COLGALT1: variants seen among roughly 807,000 people sequenced by gnomAD.
COLGALT1 encodes the protein procollagen galactosyltransferase 1.
In COLGALT1, 43 loss-of-function variants were observed where a neutral mutation model predicts 60.8. The observed-to-expected ratio is 0.71, with a 90% confidence interval of 0.55 to 0.91. COLGALT1 has a LOEUF of 0.91. Ranked by LOEUF, COLGALT1 falls within the 40% of genes least tolerant of loss-of-function variation. The probability of loss-of-function intolerance (pLI) is 0.00; values close to 1 mark genes in which losing one functional copy is unlikely to be tolerated. For synonymous variants in COLGALT1, 369 were observed against 374.2 expected, an observed-to-expected ratio of 0.99 and a Z score of 0.16; for missense variants, 845 against 880.0, an observed-to-expected ratio of 0.96 and a Z score of 0.50.
intron 5 of COLGALT1, among the ~76,000 whole-genome samples, chr19:17,569,450 T>G (rs1276355240): frequency 6.6e-6 from 1 of 151,930 alleles, no homozygotes; most frequent in Non-Finnish European, 1.5e-5. Flanking sequence ...TTTGTTTTTT[T>G]TTTTTGAAGT....
rs1279676698 is a variant in COLGALT1, at chr19:17,555,829, C to T, written c.116C>T (p.Pro39Leu). ...CCGCCGGGCGCCGACGCCTACTTCCCCGAGGAGCGCTGGAGCCCGGAGTCG... is the reference window on the plus strand; with the variant it reads ...CCGCCGGGCGCCGACGCCTACTTCCTCGAGGAGCGCTGGAGCCCGGAGTCG... ...GAPPGADAYF[P>L]EERWSPESPL... The change falls in exon 1 of 12, where the codon CCC becomes CTC. Residue 39 changes from proline (P) to leucine (L), a missense_variant. By Grantham distance (98) the Pro-to-Leu change is moderately conservative. Transcript: ENST00000252599. 1 of 1,311,594 alleles carries T rather than the reference C, an allele frequency of 7.6e-7. No individual in the cohort carries two copies. Among genetic ancestry groups the T allele is most frequent in the South Asian group, 2.0e-5 (1 of 49,458 alleles). 81.2% of individuals were successfully genotyped at this position (1,311,594 alleles called of 1,614,324 possible). A position where few individuals can be genotyped will look rare whatever the true frequency, so the allele number is the denominator to read the frequency against.
intron 3 of COLGALT1, among the ~76,000 whole-genome samples, chr19:17,562,120 C>T (rs2076253004): frequency 2.0e-5 from 3 of 152,342 alleles, no homozygotes; most frequent in Admixed American, 1.3e-4. Context: ...GATCCAGCTG[C>T]CTCGGCCTCC....
At chr19:17,579,428 A>C in intron 9 of COLGALT1, 54 bp from the exon 10 acceptor site, 1 of 1,612,040 alleles carries the variant, frequency 6.2e-7, no homozygotes, top group Non-Finnish European at 8.5e-7. Context: ...TCTGTGCTTT[A>C]GGGTCAGGCC....
intron 1 of COLGALT1, among the ~76,000 whole-genome samples, chr19:17,557,389 C>T (rs2076219142): frequency 6.6e-6 from 1 of 152,126 alleles, no homozygotes. Flanking sequence ...GCAACCTCCG[C>T]CTCCGGGTTC....
intron 6 of COLGALT1, among the ~76,000 whole-genome samples, chr19:17,574,162 A>G (rs1326110174): frequency 6.6e-6 from 1 of 152,132 alleles, no homozygotes; most frequent in African/African-American, 2.4e-5. Context: ...AGCCCTGCCA[A>G]AGCCACTGCC....
rs184631448 is a variant in COLGALT1, at chr19:17,581,682, A to G, written c.*238A>G. ...AATTGGGAGGAACCAAGCCCTCTTC[A>G]TCTGTTCATGTGCCCAGCATTTATT... On this transcript the variant is annotated 3_prime_UTR_variant, in exon 12 of 12. Transcript: ENST00000252599. 13 of 583,846 alleles carry G rather than the reference A, an allele frequency of 2.2e-5. No individual in the cohort carries two copies. The East Asian group carries it at 3.2e-4, about 14-fold the overall frequency. The allele number at this position is 583,846 out of a possible 1,614,324, so 36.2% of individuals were successfully genotyped here.
rs199777817 is a variant in COLGALT1 at position 17,578,855 on chromosome 19, A to G, written c.1267-627A>G. Reference sequence around the variant, plus strand: ...GTGAAACCTAGACTCTACTAAAAATACAAAAATTATCTGGGTGTGGTGGTG... The same window carrying G: ...GTGAAACCTAGACTCTACTAAAAATGCAAAAATTATCTGGGTGTGGTGGTG... On this transcript the variant is annotated intron_variant, in intron 9 of 11. Transcript: ENST00000252599. Among the ~76,000 whole-genome samples the G allele has an allele frequency of 8.5e-5, 13 of 152,290 alleles. No homozygotes were observed. The East Asian group carries it at 2.1e-3, about 25-fold the overall frequency.
chr19:17,578,136 C>T (rs751246224), intron 9 of COLGALT1, 47 bp downstream of exon 9: 101 of 1,499,278 alleles, frequency 6.7e-5, no homozygotes, highest in Non-Finnish European at 9.0e-5. Flanking sequence ...CTCTAGATCT[C>T]ATCGGAGATT....
At chr19:17,569,891 C>CTTTTTTTTTTTTTTT (rs71162156) in intron 5 of COLGALT1, among the ~76,000 whole-genome samples, 1 of 98,740 alleles carries the variant, frequency 1.0e-5, no homozygotes, top group Non-Finnish European at 1.9e-5. Context: ...CCACTAATTA[C>CTTTTTTTTTTTTTTT]TTTTTTTTTT....
intron 5 of COLGALT1, among the ~76,000 whole-genome samples, chr19:17,571,436 A>C (rs2076312139): frequency 6.7e-6 from 1 of 149,606 alleles, no homozygotes; most frequent in African/African-American, 2.5e-5. Context: ...AAATTAAAAG[A>C]GCATCATTGA....
At chr19:17,566,505 C>T (rs929560499) in intron 3 of COLGALT1, among the ~76,000 whole-genome samples, 3 of 152,040 alleles carry the variant, frequency 2.0e-5, no homozygotes, top group African/African-American at 7.2e-5. Context: ...TAATTTTAGT[C>T]TAGGTGCAGT....
intron 1 of COLGALT1, among the ~76,000 whole-genome samples, chr19:17,557,759 G>A (rs976005888): frequency 3.3e-5 from 5 of 151,924 alleles, no homozygotes; most frequent in Middle Eastern, 3.2e-3. Flanking sequence ...ATGCCACTGC[G>A]CCCAGCTAAT....
Position 17,567,514 on chromosome 19 carries a change from A to G in COLGALT1, c.598A>G (p.Asn200Asp). 1 of 1,613,580 alleles carries G rather than the reference A, an allele frequency of 6.2e-7. No individual in the cohort carries two copies. The highest frequency in any genetic ancestry group is 8.5e-7 in the Non-Finnish European group (1 of 1,179,772). ...PMLDSRAAYS[N>D]FWCGMTSQGY... Reference sequence around the variant, plus strand: ...GCTGGATTCCCGGGCTGCGTACTCCAACTTCTGGTGTGGAATGACTTCCCA... The same window carrying G: ...GCTGGATTCCCGGGCTGCGTACTCCGACTTCTGGTGTGGAATGACTTCCCA... Residue 200 changes from asparagine to aspartate, a missense_variant, in exon 4 of 12, where the codon AAC becomes GAC. By Grantham distance (23) the Asn-to-Asp change is conservative. Coordinates refer to ENST00000252599, the MANE Select transcript of COLGALT1 (RefSeq NM_024656.4).
intron 3 of COLGALT1, among the ~76,000 whole-genome samples, chr19:17,562,182 A>G (rs571006384): frequency 6.8e-6 from 1 of 146,986 alleles, no homozygotes; most frequent in East Asian, 1.9e-4. Flanking sequence ...CATCTCTTAA[A>G]ACAAACAAAC....
At position 17,567,511 on chromosome 19, in the gene COLGALT1, T is replaced by C. The variant is rs2076286643; in HGVS notation, c.595T>C (p.Ser199Pro). 1 of 1,613,560 alleles carries C rather than the reference T, an allele frequency of 6.2e-7. No individual in the cohort carries two copies. The highest frequency in any genetic ancestry group is 1.7e-5 in the Admixed American group (1 of 59,932). The change falls in exon 4 of 12, where the codon TCC becomes CCC. Residue 199 changes from serine (S) to proline (P), a missense_variant. Coordinates refer to ENST00000252599, the MANE Select transcript of COLGALT1 (RefSeq NM_024656.4). ...APMLDSRAAY[S>P]NFWCGMTSQG... is the part of the protein sequence containing the mutation. ...CATGCTGGATTCCCGGGCTGCGTAC[T>C]CCAACTTCTGGTGTGGAATGACTTC...
Position 17,556,636 on chromosome 19 carries a change from G to A in COLGALT1, c.260+663G>A, listed in dbSNP as rs528141670. ...TTTCTCAAATGGAAAATGGGTCCGGGTGCAGTGGCTCACGCAGTAATCCTA... is the reference window on the plus strand; with the variant it reads ...TTTCTCAAATGGAAAATGGGTCCGGATGCAGTGGCTCACGCAGTAATCCTA... On this transcript the variant is annotated intron_variant, in intron 1 of 11. Coordinates refer to ENST00000252599, the MANE Select transcript of COLGALT1 (RefSeq NM_024656.4). 6.8e-5 allele frequency: 44 copies of A among 647,792 alleles called. 1 individual carries two copies. In the South Asian group the frequency reaches 2.6e-3, roughly 39 times the overall value. 40.1% of individuals were successfully genotyped at this position (647,792 alleles called of 1,614,324 possible).
At chr19:17,560,558 G>A (rs2076243066) in intron 3 of COLGALT1, 93 bp downstream of exon 3, 9 of 1,025,046 alleles carry the variant, frequency 8.8e-6, no homozygotes, top group Non-Finnish European at 1.4e-5. Context: ...CATCCTTAAT[G>A]TTGTTTTGCA....
Position 17,579,573 on chromosome 19 carries a change from G to A in COLGALT1, c.1358G>A (p.Arg453Gln), listed in dbSNP as rs1398248558. The change falls in exon 10 of 12, where the codon CGG (arginine) becomes CAG (glutamine). Residue 453 changes from arginine (R) to glutamine (Q), a missense_variant. Transcript: ENST00000252599. ...AAGAGACGTCTGATGAACCTCATGC[G>A]GGATGTGGAGCGGGAGGGCCTGGAC... ...FFKRRLMNLMRDVEREGLDWD... is the reference protein window; with the variant it reads ...FFKRRLMNLMQDVEREGLDWD... The A allele has an allele frequency of 6.2e-6, 10 of 1,613,904 alleles. No homozygotes were observed. Among genetic ancestry groups the A allele is most frequent in the Admixed American group, 3.3e-5 (2 of 59,972 alleles).
chr19:17,563,191 T>C (rs1028699083), intron 3 of COLGALT1, among the ~76,000 whole-genome samples: 9 of 145,836 alleles, frequency 6.2e-5, no homozygotes, highest in South Asian at 2.2e-4. Context: ...GTGTTTCTTT[T>C]TTTTTTTTTT....
Sources: gnomAD v4.1 joint callset for allele counts (sites outside exome capture counted in the v4.1 genomes callset) on GRCh38, gnomAD v4.1.1 for gene constraint, MANE v1.5 for transcripts, NCBI Gene and HGNC (gene_info 2026-07-23, HGNC 2026-07-21) for gene names.